TMOD1: variants seen among roughly 807,000 people sequenced by gnomAD.
TMOD1 encodes tropomodulin-1.
Under a neutral mutation model 40.6 loss-of-function variants are expected in TMOD1, and 17 were observed. That is an observed-to-expected ratio of 0.42 (90% CI 0.29 to 0.63). TMOD1 has a LOEUF of 0.63. Among genes scored for constraint, TMOD1 ranks in the 20% least tolerant of loss-of-function variants. The pLI, the probability that TMOD1 is intolerant of heterozygous loss-of-function variation, is 0.22. For synonymous variants in TMOD1, 181 were observed against 175.0 expected, an observed-to-expected ratio of 1.03 and a Z score of -0.27; for missense variants, 391 against 447.6, an observed-to-expected ratio of 0.87 and a Z score of 1.14.
intron 4 of TMOD1, among the ~76,000 whole-genome samples, chr9:97,562,422 G>A (rs1830654748): frequency 6.6e-6 from 1 of 152,120 alleles, no homozygotes; most frequent in South Asian, 2.1e-4. Context: ...TGACAAGATG[G>A]AAAGAGAGCC....
At chr9:97,507,645 T>C (rs979124399) in intron 1 of TMOD1, among the ~76,000 whole-genome samples, 24 of 152,190 alleles carry the variant, frequency 1.6e-4, no homozygotes, top group African/African-American at 5.8e-4. Context: ...TATTCAAAAG[T>C]CCGGGTTAAG....
At position 97,549,067 on chromosome 9, in the gene TMOD1, A is replaced by T. The variant is rs146342906; in HGVS notation, c.277+2726A>T. Among the ~76,000 whole-genome samples the T allele has an allele frequency of 2.0e-3, 302 of 152,334 alleles. 4 individuals are homozygous for T. The East Asian group carries it at 0.026, about 13-fold the overall frequency. ...TGGCACAAAGCCCTGAGGAATTTGG[A>T]AAGGGAGGCCTTCTCATTCAAGTGG... On this transcript the variant is annotated intron_variant, in intron 3 of 9. Transcript: ENST00000259365.
At chr9:97,592,936 T>G (rs1182066268) in intron 9 of TMOD1, among the ~76,000 whole-genome samples, 1 of 152,184 alleles carries the variant, frequency 6.6e-6, no homozygotes, top group Non-Finnish European at 1.5e-5. Context: ...AGAAGTATCC[T>G]TACTTGAAAT....
rs182611229 is a variant in TMOD1 at position 97,535,679 on chromosome 9, A to G, written c.121-10506A>G. On this transcript the variant is annotated intron_variant, in intron 2 of 9. Transcript: ENST00000259365. ...AGGAAAGGAGGATTTGGAGAAAGCCAGGGAGGGAAGGTTTGTCCCCACCTT... is the reference window on the plus strand; with the variant it reads ...AGGAAAGGAGGATTTGGAGAAAGCCGGGGAGGGAAGGTTTGTCCCCACCTT... 2.1e-3 allele frequency among the ~76,000 whole-genome samples: 327 copies of G among 152,364 alleles called. 2 individuals are homozygous for G. Among genetic ancestry groups the G allele is most frequent in the African/African-American group, 7.4e-3 (308 of 41,590 alleles).
At chr9:97,581,138 GC>G (rs1355731501) in intron 8 of TMOD1, among the ~76,000 whole-genome samples, 1 of 73,950 alleles carries the variant, frequency 1.4e-5, no homozygotes, top group Non-Finnish European at 2.6e-5. Flanking sequence ...ATGCTATCCC[GC>G]CCCCCTCCCC....
In TMOD1 at chr9:97,562,243, C is replaced by T. The variant is rs1426659642; in HGVS notation, c.398-489C>T. ...AGGAAGAGGCCAAGACCAAGACACC[C>T]GTGATGACACAGCTGTGACAATACA... On this transcript the variant is annotated intron_variant, in intron 4 of 9. Transcript: ENST00000259365. 3.9e-5 allele frequency among the ~76,000 whole-genome samples: 6 copies of T among 152,222 alleles called. No individual in the cohort carries two copies. In the South Asian group the frequency reaches 6.2e-4, roughly 16 times the overall value.
intron 9 of TMOD1, among the ~76,000 whole-genome samples, chr9:97,595,779 C>T (rs1462159250): frequency 1.3e-5 from 2 of 152,072 alleles, no homozygotes; most frequent in Admixed American, 6.6e-5. Flanking sequence ...CCAAACCTAT[C>T]TCAGAAAAGG....
At chr9:97,577,652 G>A (rs1024936968) in intron 8 of TMOD1, among the ~76,000 whole-genome samples, 3 of 152,060 alleles carry the variant, frequency 2.0e-5, no homozygotes, top group African/African-American at 7.2e-5. Context: ...GCTGGGCGTG[G>A]TGGTGCTACT....
chr9:97,524,965 C>T (rs996827970), intron 2 of TMOD1, among the ~76,000 whole-genome samples: 2 of 152,074 alleles, frequency 1.3e-5, no homozygotes, highest in Admixed American at 1.3e-4. Flanking sequence ...AATGTTTGAC[C>T]AAATGTCTGA....
At chr9:97,581,835 TG>T (rs2131282842) in intron 8 of TMOD1, among the ~76,000 whole-genome samples, 1 of 151,616 alleles carries the variant, frequency 6.6e-6, no homozygotes, top group African/African-American at 2.4e-5. Context: ...CACTTTTTGA[TG>T]GGGTTGTTTG....
intron 8 of TMOD1, among the ~76,000 whole-genome samples, chr9:97,581,891 T>C (rs1327831505): frequency 6.6e-6 from 1 of 150,388 alleles, no homozygotes; most frequent in African/African-American, 2.4e-5. Context: ...AGATTCTGGA[T>C]ATTAGCCCTT....
At chr9:97,586,534 C>G (rs1414163241) in intron 8 of TMOD1, among the ~76,000 whole-genome samples, 1 of 151,782 alleles carries the variant, frequency 6.6e-6, no homozygotes, top group Non-Finnish European at 1.5e-5. Context: ...GGGCTCCACC[C>G]AGTTCGAGCT....
In TMOD1 at chr9:97,586,929, T is replaced by C. The variant is rs1825889698; in HGVS notation, c.871-4362T>C. On this transcript the variant is annotated intron_variant, in intron 8 of 9. Coordinates refer to ENST00000259365, the MANE Select transcript of TMOD1 (RefSeq NM_003275.4). ...CTGGCACTCCCTAGTAAGATGAACC[T>C]GGTACCTCAGATGGAAATGCAGAAA... Among the ~76,000 whole-genome samples, 4 of 152,198 alleles carry C rather than the reference T, an allele frequency of 2.6e-5. No homozygotes were observed. The South Asian group carries it at 6.2e-4, about 24-fold the overall frequency.
Position 97,600,792 on chromosome 9 carries a change from A to G in TMOD1, c.*1094A>G, listed in dbSNP as rs73656837. 1.1e-3 allele frequency: 1,178 copies of G among 1,069,518 alleles called. 14 individuals are homozygous for G. The African/African-American group carries it at 0.019, about 17-fold the overall frequency. 66.3% of individuals were successfully genotyped at this position (1,069,518 alleles called of 1,614,324 possible). A position where few individuals can be genotyped will look rare whatever the true frequency, so the allele number is the denominator to read the frequency against. ...CAAGATGATTACACTGAAATGTAGT[A>G]TTAGTACTGCTGCCAGATCTCTTTT... On this transcript the variant is annotated 3_prime_UTR_variant, in exon 10 of 10. Coordinates refer to ENST00000259365, the MANE Select transcript of TMOD1 (RefSeq NM_003275.4).
At position 97,556,434 on chromosome 9, in the gene TMOD1, A is replaced by C. The variant is rs536923803; in HGVS notation, c.397+3034A>C. Among the ~76,000 whole-genome samples the C allele has an allele frequency of 7.9e-5, 12 of 152,262 alleles. No individual in the cohort carries two copies. The East Asian group carries it at 2.3e-3, about 29-fold the overall frequency. ...GGTGGGTGGTTGGAGCCTTTTTCAC[A>C]GAGCGGGTGACTGGGACCAAGAGTG... On this transcript the variant is annotated intron_variant, in intron 4 of 9. Coordinates refer to ENST00000259365, the MANE Select transcript of TMOD1 (RefSeq NM_003275.4).
intron 8 of TMOD1, among the ~76,000 whole-genome samples, chr9:97,571,963 C>T (rs113954131): frequency 1.4e-3 from 207 of 152,300 alleles, no homozygotes; most frequent in African/African-American, 4.5e-3. Flanking sequence ...TCCAGGTCCA[C>T]CCTCCAGAAG....
chr9:97,559,373 A>G (rs574848354), intron 4 of TMOD1, among the ~76,000 whole-genome samples: 1 of 152,112 alleles, frequency 6.6e-6, no homozygotes, highest in Non-Finnish European at 1.5e-5. Flanking sequence ...TTAGCAGAGA[A>G]GAATCTTAGA....
chr9:97,508,657 T>G (rs1829641885), intron 1 of TMOD1, among the ~76,000 whole-genome samples: 1 of 152,230 alleles, frequency 6.6e-6, no homozygotes, highest in Non-Finnish European at 1.5e-5. Context: ...TAATGAGTAC[T>G]GATGGCCTGC....
Position 97,513,079 on chromosome 9 carries a change from G to T in TMOD1, c.-48-11062G>T, listed in dbSNP as rs1385378328. The T allele has an allele frequency of 6.6e-6, 1 of 152,176 alleles. No individual in the cohort carries two copies. The highest frequency in any genetic ancestry group is 1.5e-5 in the Non-Finnish European group (1 of 68,048). The allele number at this position is 152,176 out of a possible 1,614,324, so 9.4% of individuals were successfully genotyped here. On this transcript the variant is annotated intron_variant, in intron 1 of 9. Coordinates refer to ENST00000259365, the MANE Select transcript of TMOD1 (RefSeq NM_003275.4). This position sits in a 1 kb window ranked among gnomAD's most constrained non-coding sequence, Gnocchi z 4.1. ...CTACACTTTTATTACAGCAGCTAAG[G>T]TCTCACCATGGCTTTGGGGATGAGC...
Sources: allele counts gnomAD v4.1 joint callset (sites outside exome capture counted in the v4.1 genomes callset), GRCh38; gene constraint gnomAD v4.1.1; non-coding constraint Gnocchi (gnomAD v3.1); transcripts MANE v1.5; gene names NCBI Gene and HGNC (gene_info 2026-07-23, HGNC 2026-07-21).